The following NCOA3 variants were observed in gnomAD, a reference collection of about 807,000 sequenced individuals.
The protein encoded by NCOA3 is nuclear receptor coactivator 3, also known as CBP-interacting protein.
NCOA3 carries 51 observed loss-of-function variants against 158.8 expected under a neutral mutation model. That is an observed-to-expected ratio of 0.32 (90% CI 0.26 to 0.41). The LOEUF (loss-of-function observed/expected upper bound fraction) is 0.41. Among genes scored for constraint, NCOA3 ranks in the 10% least tolerant of loss-of-function variants. The probability of loss-of-function intolerance (pLI) is 1.00; values close to 1 mark genes in which losing one functional copy is unlikely to be tolerated. For missense variants in NCOA3, 1,510 were observed against 1,746.6 expected (o/e 0.86, Z 2.41); for synonymous variants, 537 against 592.4 (o/e 0.91, Z 1.36).
chr20:47,511,521 C>CTCGA (rs2084130199), intron 1 of NCOA3, among the ~76,000 whole-genome samples: 1 of 14,120 alleles, frequency 7.1e-5, no homozygotes, highest in East Asian at 2.5e-3. Flanking sequence ...GTATCTCTCT[C>CTCGA]GAGATATATA....
intron 1 of NCOA3, among the ~76,000 whole-genome samples, chr20:47,546,176 T>A (rs1296168790): frequency 6.6e-6 from 1 of 152,226 alleles, no homozygotes; most frequent in African/African-American, 2.4e-5. Context: ...TAAAGCCTTT[T>A]CTTTCTCATT....
At chr20:47,620,276 A>AT (rs942559358) in intron 2 of NCOA3, among the ~76,000 whole-genome samples, 1 of 151,188 alleles carries the variant, frequency 6.6e-6, no homozygotes, top group African/African-American at 2.5e-5. Flanking sequence ...TGCCTGGCTT[A>AT]TTTTTAAAAA....
intron 2 of NCOA3, among the ~76,000 whole-genome samples, chr20:47,605,911 T>C (rs1453460035): frequency 2.0e-5 from 3 of 152,362 alleles, no homozygotes; most frequent in South Asian, 4.1e-4. Context: ...TCTCACAACA[T>C]GGCTTGTTTA....
intron 1 of NCOA3, among the ~76,000 whole-genome samples, chr20:47,502,515 T>C (rs2146033020): frequency 6.6e-6 from 1 of 152,188 alleles, no homozygotes; most frequent in Non-Finnish European, 1.5e-5. Flanking sequence ...GTTGCTGTGT[T>C]TCCTCCTCAC....
At chr20:47,583,427 C>T (rs893243320) in intron 2 of NCOA3, among the ~76,000 whole-genome samples, 166 bp downstream of exon 2, 4 of 152,026 alleles carry the variant, frequency 2.6e-5, no homozygotes, top group Non-Finnish European at 4.4e-5. Flanking sequence ...TGAGTGAATA[C>T]GTATGTGTAT....
At chr20:47,553,631 G>A (rs1391259359) in intron 1 of NCOA3, among the ~76,000 whole-genome samples, 1 of 139,014 alleles carries the variant, frequency 7.2e-6, no homozygotes, top group African/African-American at 2.7e-5. Flanking sequence ...TCCCACCTAT[G>A]AGTGAGAACA....
chr20:47,625,558 A>C (rs1207348986), intron 5 of NCOA3, 77 bp downstream of exon 5: 5 of 1,064,392 alleles, frequency 4.7e-6, no homozygotes, highest in Admixed American at 2.3e-5. Flanking sequence ...AAATCGATGA[A>C]ATTTTGGTTA....
intron 2 of NCOA3, among the ~76,000 whole-genome samples, chr20:47,620,270 T>C (rs2086216987): frequency 6.6e-6 from 1 of 151,954 alleles, no homozygotes; most frequent in South Asian, 2.1e-4. Flanking sequence ...CCATGATGCC[T>C]GGCTTATTTT....
intron 2 of NCOA3, among the ~76,000 whole-genome samples, chr20:47,619,629 A>G (rs2086201693): frequency 6.6e-6 from 1 of 151,094 alleles, no homozygotes; most frequent in Non-Finnish European, 1.5e-5. Flanking sequence ...TGGGTGACAC[A>G]GTAAGACCCT....
intron 1 of NCOA3, among the ~76,000 whole-genome samples, chr20:47,505,003 G>GTTTTTTTTTTT (rs1166777115): frequency 0.041 from 1,175 of 28,510 alleles, 366 homozygotes; most frequent in East Asian, 0.093. Flanking sequence ...TGGGTTTTTG[G>GTTTTTTTTTTT]TTTTTTTTTT....
chr20:47,528,027 T>G (rs2084484526), intron 1 of NCOA3, among the ~76,000 whole-genome samples: 1 of 152,228 alleles, frequency 6.6e-6, no homozygotes, highest in Non-Finnish European at 1.5e-5. Context: ...GTTCTCGATA[T>G]CCATCTTTTA....
intron 16 of NCOA3, among the ~76,000 whole-genome samples, chr20:47,640,855 C>G (rs144361449): frequency 0.019 from 2,909 of 151,640 alleles, 100 homozygotes; most frequent in African/African-American, 0.066. Flanking sequence ...GCCACTGCAC[C>G]CCAGCCTGGG....
chr20:47,597,700 G>A (rs888288377), intron 2 of NCOA3, among the ~76,000 whole-genome samples: 1 of 151,472 alleles, frequency 6.6e-6, no homozygotes, highest in Non-Finnish European at 1.5e-5. Context: ...TATTGTCCAG[G>A]CTGGTCTTGA....
At position 47,636,301 on chromosome 20, in the gene NCOA3, A is replaced by G. The variant is rs2086514877; in HGVS notation, c.1915A>G (p.Asn639Asp). The G allele has an allele frequency of 1.2e-6, 2 of 1,613,996 alleles. No individual in the cohort carries two copies. Among genetic ancestry groups the G allele is most frequent in the African/African-American group, 1.3e-5 (1 of 74,892 alleles). Residue 639 changes from asparagine to aspartate, a missense_variant, in exon 12 of 23, where the codon AAC becomes GAC. Physicochemically the swap from Asn to Asp is conservative, Grantham distance 23. Transcript: ENST00000371998. ...TGACCGGGGTCATTCCTCCTTGACC[A>G]ACTCCCCCCTAGATTCAAGTTGTAA... Reference protein sequence around the residue: ...SDDRGHSSLTNSPLDSSCKES... With the variant: ...SDDRGHSSLTDSPLDSSCKES...
chr20:47,566,095 G>A (rs2085190510), intron 1 of NCOA3, among the ~76,000 whole-genome samples: 1 of 151,908 alleles, frequency 6.6e-6, no homozygotes, highest in African/African-American at 2.4e-5. Flanking sequence ...GCTAATTTTT[G>A]TATTTTCAGT....
At chr20:47,587,487 T>C (rs1275656467) in intron 2 of NCOA3, among the ~76,000 whole-genome samples, 2 of 152,336 alleles carry the variant, frequency 1.3e-5, no homozygotes, top group Non-Finnish European at 2.9e-5. Flanking sequence ...CTGAGGGTGA[T>C]TGGGTCTAAG....
chr20:47,647,891 T>C (rs866280066), intron 18 of NCOA3, among the ~76,000 whole-genome samples: 2 of 138,098 alleles, frequency 1.4e-5, no homozygotes, highest in Non-Finnish European at 1.6e-5. Context: ...CTGAGGTTTT[T>C]TTTTTGTTTG....
chr20:47,548,363 C>T (rs202082881), intron 1 of NCOA3, among the ~76,000 whole-genome samples: 15 of 151,444 alleles, frequency 9.9e-5, no homozygotes, highest in Non-Finnish European at 1.5e-4. Context: ...CCCAACATGG[C>T]GAAACCCCGT....
In NCOA3 at chr20:47,651,113, G is replaced by GCAGCAT; in HGVS notation, c.3788_3789insTCAGCA (p.Gln1262_Gln1263insHisGln). ...AGCAACAGCAGCAGCAGCAGCAGCA[G>GCAGCAT]CAGCAGCAACAGCAACAGCAACAGC... On this transcript the variant is annotated inframe_insertion, in exon 20 of 23. Coordinates refer to ENST00000371998, the MANE Select transcript of NCOA3 (RefSeq NM_181659.3). 1.3e-6 allele frequency: 2 copies of GCAGCAT among 1,592,544 alleles called. No individual in the cohort carries two copies. The highest frequency in any genetic ancestry group is 2.2e-5 in the South Asian group (2 of 89,738).
Sources: gnomAD v4.1 joint callset for allele counts (sites outside exome capture counted in the v4.1 genomes callset) on GRCh38, gnomAD v4.1.1 for gene constraint, MANE v1.5 for transcripts, NCBI Gene and HGNC (gene_info 2026-07-23, HGNC 2026-07-21) for gene names.